Variants in FRMD4A observed in about 807,000 individuals in gnomAD.
FRMD4A encodes FERM domain-containing protein 4A.
A neutral mutation model predicts 129.1 loss-of-function variants in FRMD4A; 29 were observed. The observed-to-expected ratio is 0.22, with a 90% CI of 0.17 to 0.31. The LOEUF (loss-of-function observed/expected upper bound fraction) is 0.31. Among genes scored for constraint, FRMD4A ranks in the 10% least tolerant of loss-of-function variants. The pLI, the probability that FRMD4A is intolerant of heterozygous loss-of-function variation, is 1.00. For missense variants in FRMD4A, 1,272 were observed against 1,375.8 expected (o/e 0.92, Z 1.19); for synonymous variants, 634 against 571.6 (o/e 1.11, Z -1.56).
intron 2 of FRMD4A, among the ~76,000 whole-genome samples, chr10:13,940,899 C>T (rs537379998): frequency 3.9e-5 from 6 of 152,166 alleles, no homozygotes; most frequent in Non-Finnish European, 8.8e-5. Flanking sequence ...AACCAATGAT[C>T]ACACAGCTGG....
intron 2 of FRMD4A, among the ~76,000 whole-genome samples, chr10:14,226,727 G>A (rs530688705): frequency 5.5e-4 from 84 of 152,096 alleles, no homozygotes; most frequent in African/African-American, 1.9e-3. Flanking sequence ...TCCTTCATTC[G>A]TCACCTCATC....
At chr10:13,979,483 G>A (rs1366069463) in intron 2 of FRMD4A, among the ~76,000 whole-genome samples, 1 of 152,220 alleles carries the variant, frequency 6.6e-6, no homozygotes, top group Non-Finnish European at 1.5e-5. Flanking sequence ...GCTGGGAAGA[G>A]GTTGGAGGAT....
intron 2 of FRMD4A, among the ~76,000 whole-genome samples, chr10:13,970,830 C>G (rs1373249255): frequency 6.6e-6 from 1 of 152,204 alleles, no homozygotes; most frequent in African/African-American, 2.4e-5. Flanking sequence ...AGAAAGCACT[C>G]TTGTCTCCCC....
intron 2 of FRMD4A, among the ~76,000 whole-genome samples, chr10:14,115,222 G>A (rs1018775077): frequency 3.3e-5 from 5 of 152,212 alleles, no homozygotes; most frequent in Non-Finnish European, 7.3e-5. Flanking sequence ...CACTCTGCAA[G>A]TGACAATAGA....
Position 13,747,752 on chromosome 10 carries a change from G to A in FRMD4A, c.532C>T (p.Pro178Ser). 1 of 1,588,990 alleles carries A rather than the reference G, an allele frequency of 6.3e-7. No individual in the cohort carries two copies. The highest frequency in any genetic ancestry group is 8.6e-7 in the Non-Finnish European group (1 of 1,157,424). Reference protein sequence around the residue: ...ALPTQALKEHPSLAYCEDRVI... With the variant: ...ALPTQALKEHSSLAYCEDRVI... ...GGGTCTTACCAGTAGGCCAGGGAAGGGTGCTCCTTCAGGGCTTGGGTGGGA... is the reference window on the plus strand; with the variant it reads ...GGGTCTTACCAGTAGGCCAGGGAAGAGTGCTCCTTCAGGGCTTGGGTGGGA... The change falls in exon 9 of 25, where the codon CCT becomes TCT. Residue 178 changes from proline (P) to serine (S), a missense_variant. By Grantham distance (74) the Pro-to-Ser change is moderately conservative (BLOSUM62 -1). This residue lies in a region of FRMD4A where 300 missense variants were observed against 483.6 expected (regional missense o/e 0.62). Transcript: ENST00000357447.
intron 15 of FRMD4A, among the ~76,000 whole-genome samples, chr10:13,687,649 A>T (rs973992782): frequency 6.6e-6 from 1 of 152,154 alleles, no homozygotes; most frequent in Non-Finnish European, 1.5e-5. Flanking sequence ...ACTTTCTGCA[A>T]ATGTGTTACC....
At chr10:14,300,571 GC>G (rs1846151773) in intron 2 of FRMD4A, among the ~76,000 whole-genome samples, 3 of 152,180 alleles carry the variant, frequency 2.0e-5, no homozygotes. Context: ...GTCTGTAGTG[GC>G]AACCAAGGCA....
chr10:14,258,331 AAAG>A (rs1844687041), intron 2 of FRMD4A, among the ~76,000 whole-genome samples: 2 of 151,640 alleles, frequency 1.3e-5, no homozygotes, highest in Non-Finnish European at 2.9e-5. Flanking sequence ...CTAAAAAAAA[AAAG>A]AACTCTCAAA....
chr10:14,071,092 T>C (rs998736804), intron 2 of FRMD4A, among the ~76,000 whole-genome samples: 3 of 152,254 alleles, frequency 2.0e-5, no homozygotes, highest in Admixed American at 6.5e-5. Context: ...CCCGGATCCC[T>C]GGACACGAGT....
chr10:14,111,917 G>T (rs1237736652), intron 2 of FRMD4A, among the ~76,000 whole-genome samples: 1 of 136,840 alleles, frequency 7.3e-6, no homozygotes. Context: ...GATACTCCAT[G>T]ATTATGGAAG....
intron 3 of FRMD4A, among the ~76,000 whole-genome samples, chr10:13,858,069 G>T (rs1243043498): frequency 2.0e-5 from 3 of 152,188 alleles, no homozygotes. Flanking sequence ...TAAGAAGGGG[G>T]TCGCTTAGCA....
chr10:13,828,397 G>T lies in FRMD4A; in HGVS notation c.112-17489C>A, dbSNP rs4750425. 5.3e-5 allele frequency among the ~76,000 whole-genome samples: 8 copies of T among 152,048 alleles called. No homozygotes were observed. The South Asian group carries it at 1.7e-3, about 31-fold the overall frequency. ...CTTTAAGTGAGAACATGTGTATTTG[G>T]CTTTTTGTTTTTGAGCTATTTCACT... On this transcript the variant is annotated intron_variant, in intron 3 of 24. Transcript: ENST00000357447.
chr10:13,648,929 A>G lies in FRMD4A; in HGVS notation c.*3-1894T>C, dbSNP rs574081916. Among the ~76,000 whole-genome samples the G allele has an allele frequency of 2.7e-3, 410 of 152,260 alleles. 1 individual carries two copies. The highest frequency in any genetic ancestry group is 0.016 in the South Asian group (75 of 4,814). ...CTGTGAGTTGCTCTGAGGGGAAAAA[A>G]AGCTTCCATGGATAAATAAATTTGA... On this transcript the variant is annotated intron_variant, in intron 24 of 24. Coordinates refer to ENST00000357447, the MANE Select transcript of FRMD4A (RefSeq NM_018027.5).
chr10:14,280,328 TA>T (rs943807865), intron 2 of FRMD4A, among the ~76,000 whole-genome samples: 7 of 151,658 alleles, frequency 4.6e-5, no homozygotes, highest in African/African-American at 1.7e-4. Flanking sequence ...TTTTTTTTTT[TA>T]AATTTAGGGT....
At chr10:13,750,391 G>A (rs2091556255) in intron 8 of FRMD4A, among the ~76,000 whole-genome samples, 1 of 151,884 alleles carries the variant, frequency 6.6e-6, no homozygotes, top group South Asian at 2.1e-4. Flanking sequence ...GATGAGATAT[G>A]GTCCTTAACC....
chr10:14,169,664 G>C (rs927038238), intron 2 of FRMD4A, among the ~76,000 whole-genome samples: 4 of 152,140 alleles, frequency 2.6e-5, no homozygotes, highest in African/African-American at 9.7e-5. Context: ...CACTATCTCA[G>C]AGGCCCCTTC....
intron 2 of FRMD4A, among the ~76,000 whole-genome samples, chr10:13,917,104 C>G (rs1411699255): frequency 6.6e-6 from 1 of 152,116 alleles, no homozygotes; most frequent in Non-Finnish European, 1.5e-5. Context: ...TTCTCATCAC[C>G]AAGAAGTGGC....
At chr10:14,252,416 G>T (rs1005039952) in intron 2 of FRMD4A, among the ~76,000 whole-genome samples, 3 of 152,214 alleles carry the variant, frequency 2.0e-5, no homozygotes, top group Non-Finnish European at 4.4e-5. Context: ...GCTACATTTA[G>T]ATTTCATGTC....
chr10:14,037,394 T>A (rs1045366447), intron 2 of FRMD4A, among the ~76,000 whole-genome samples: 2 of 152,172 alleles, frequency 1.3e-5, no homozygotes, highest in Non-Finnish European at 2.9e-5. Context: ...ATTTTTGTAT[T>A]TTTAGTAGAG....
Sources: gnomAD v4.1 joint callset for allele counts (sites outside exome capture counted in the v4.1 genomes callset) on GRCh38, gnomAD v4.1.1 for gene constraint, gnomAD v4.1.1 regional missense constraint, MANE v1.5 for transcripts, NCBI Gene and HGNC (gene_info 2026-07-23, HGNC 2026-07-21) for gene names.